Variants in FHIT observed in about 807,000 individuals in gnomAD.
The protein encoded by FHIT is fragile histidine triad diadenosine triphosphatase, also known as bis(5'-adenosyl)-triphosphatase.
A neutral mutation model predicts 17.9 loss-of-function variants in FHIT; 19 were observed. The ratio of observed to expected loss-of-function variants is 1.06; its 90% CI spans 0.74 to 1.56. The LOEUF (loss-of-function observed/expected upper bound fraction) is 1.56, where lower values mean the gene tolerates loss of function less well. Ranked by LOEUF, FHIT falls within the 40% of genes most tolerant of loss-of-function variation. The probability of loss-of-function intolerance (pLI) is 0.00; values close to 1 mark genes in which losing one functional copy is unlikely to be tolerated. For synonymous variants in FHIT, 81 were observed against 69.7 expected (o/e 1.16, Z -0.81); for missense variants, 248 against 189.2 (o/e 1.31, Z -1.82).
At chr3:60,995,834 A>C (rs1252775768) in intron 3 of FHIT, among the ~76,000 whole-genome samples, 1 of 152,202 alleles carries the variant, frequency 6.6e-6, no homozygotes, top group Non-Finnish European at 1.5e-5. Flanking sequence ...AAAATATCAC[A>C]CTAAAAAAAT....
chr3:60,950,367 A>G (rs965736969), intron 3 of FHIT, among the ~76,000 whole-genome samples: 1 of 152,222 alleles, frequency 6.6e-6, no homozygotes, highest in Non-Finnish European at 1.5e-5. Flanking sequence ...TTTGACAAAC[A>G]TTCATTGGTC....
In FHIT at chr3:60,887,903, T is replaced by TA. The variant is rs543402179; in HGVS notation, c.-110-65893dup. Among the ~76,000 whole-genome samples the TA allele has an allele frequency of 2.1e-3, 314 of 152,306 alleles. 1 individual carries two copies. Among genetic ancestry groups the TA allele is most frequent in the Non-Finnish European group, 3.2e-3 (220 of 68,026 alleles). ...AATTTCCCTTACAAATGTTGATTGATAAACATGAACGTCTATATGGAAAAT... is the reference window on the plus strand; with the variant it reads ...AATTTCCCTTACAAATGTTGATTGATAAAACATGAACGTCTATATGGAAAAT... On this transcript the variant is annotated intron_variant, in intron 3 of 9. Transcript: ENST00000492590.
intron 5 of FHIT, among the ~76,000 whole-genome samples, chr3:60,487,965 A>G (rs9828307): frequency 0.091 from 13,853 of 152,212 alleles, 1,060 homozygotes; most frequent in East Asian, 0.39. Context: ...TATAAATGCC[A>G]AGTATTAAAG....
intron 4 of FHIT, among the ~76,000 whole-genome samples, chr3:60,566,008 T>A (rs969235519): frequency 6.6e-6 from 1 of 152,196 alleles, no homozygotes; most frequent in South Asian, 2.1e-4. Context: ...CTGCCTTCAT[T>A]TTTTTATGTA....
chr3:60,043,465 C>A (rs950204846), intron 5 of FHIT, among the ~76,000 whole-genome samples: 1 of 152,142 alleles, frequency 6.6e-6, no homozygotes, highest in Non-Finnish European at 1.5e-5. Flanking sequence ...ATTACTAGCT[C>A]CATTTTACAG....
At chr3:60,885,025 T>A (rs1020142117) in intron 3 of FHIT, among the ~76,000 whole-genome samples, 1 of 138,114 alleles carries the variant, frequency 7.2e-6, no homozygotes. Flanking sequence ...AGAAAGTTGA[T>A]GGGTGCTACT....
chr3:60,127,662 C>A (rs1705618217), intron 5 of FHIT, among the ~76,000 whole-genome samples: 1 of 152,148 alleles, frequency 6.6e-6, no homozygotes, highest in Non-Finnish European at 1.5e-5. Context: ...AGTGCAGTAG[C>A]ATGATCTAGG....
intron 3 of FHIT, among the ~76,000 whole-genome samples, chr3:61,031,745 T>C (rs1298671898): frequency 1.3e-5 from 2 of 152,178 alleles, no homozygotes; most frequent in African/African-American, 4.8e-5. Context: ...CATCATCAGC[T>C]TCAAGGCCTG....
At chr3:60,542,295 A>T (rs1341351939) in intron 4 of FHIT, among the ~76,000 whole-genome samples, 4 of 152,152 alleles carry the variant, frequency 2.6e-5, no homozygotes, top group Non-Finnish European at 5.9e-5. Flanking sequence ...CACTGTGACT[A>T]CCATTCTTAC....
chr3:60,917,878 A>G (rs1401696814), intron 3 of FHIT, among the ~76,000 whole-genome samples: 1 of 152,198 alleles, frequency 6.6e-6, no homozygotes, highest in African/African-American at 2.4e-5. Flanking sequence ...GAAGAAGCAA[A>G]GATAAAAAAG....
intron 5 of FHIT, among the ~76,000 whole-genome samples, chr3:60,066,863 C>G (rs1243755053): frequency 6.6e-6 from 1 of 151,640 alleles, no homozygotes; most frequent in African/African-American, 2.4e-5. Context: ...TCACCGTGGT[C>G]TCGATCTCCT....
At chr3:60,667,447 T>C (rs1407901180) in intron 4 of FHIT, among the ~76,000 whole-genome samples, 1 of 152,214 alleles carries the variant, frequency 6.6e-6, no homozygotes, top group Non-Finnish European at 1.5e-5. Context: ...ATTTTTTATT[T>C]CTAGAATTTT....
chr3:59,786,059 A>G (rs914656510), intron 8 of FHIT, among the ~76,000 whole-genome samples: 10 of 152,224 alleles, frequency 6.6e-5, no homozygotes, highest in African/African-American at 2.4e-4. Flanking sequence ...ACAAGACACC[A>G]GGTAAATATA....
intron 2 of FHIT, among the ~76,000 whole-genome samples, chr3:61,156,026 C>A (rs536554746): frequency 1.3e-5 from 2 of 152,250 alleles, no homozygotes; most frequent in East Asian, 1.9e-4. Context: ...GGTGCTGATG[C>A]CCTAACAAGC....
At chr3:60,912,809 A>C in intron 3 of FHIT, 2 of 512,544 alleles carry the variant, frequency 3.9e-6, no homozygotes, top group South Asian at 1.4e-5. Flanking sequence ...TTCTCTAAAA[A>C]TTTATTGCTC....
At chr3:61,100,916 T>C (rs2035800398) in intron 2 of FHIT, among the ~76,000 whole-genome samples, 1 of 152,242 alleles carries the variant, frequency 6.6e-6, no homozygotes, top group South Asian at 2.1e-4. Context: ...TGTTTGGCTT[T>C]TCCTGTAAAT....
intron 5 of FHIT, among the ~76,000 whole-genome samples, chr3:60,173,708 A>C (rs182252237): frequency 7.9e-5 from 12 of 151,370 alleles, no homozygotes; most frequent in African/African-American, 2.9e-4. Context: ...TGTCTGCTCA[A>C]CTGGTCTCAG....
chr3:59,979,411 A>T (rs1426343782), intron 7 of FHIT, among the ~76,000 whole-genome samples: 2 of 152,194 alleles, frequency 1.3e-5, no homozygotes, highest in African/African-American at 4.8e-5. Context: ...CAGGGAAAAC[A>T]AGATACTTAG....
At chr3:60,485,649 T>C (rs946370857) in intron 5 of FHIT, among the ~76,000 whole-genome samples, 9 of 151,328 alleles carry the variant, frequency 5.9e-5, no homozygotes, top group African/African-American at 2.2e-4. Flanking sequence ...CCAAGGCCTG[T>C]TGGGGGTGGG....
Sources: allele counts gnomAD v4.1 joint callset (sites outside exome capture counted in the v4.1 genomes callset), GRCh38; gene constraint gnomAD v4.1.1; transcripts MANE v1.5; gene names NCBI Gene and HGNC (gene_info 2026-07-23, HGNC 2026-07-21).